The following GRID2 variants were observed in gnomAD, a reference collection of about 807,000 sequenced individuals.
The protein encoded by GRID2 is glutamate receptor ionotropic, delta-2.
GRID2 carries 33 observed loss-of-function variants against 114.8 expected under a neutral mutation model. That is an observed-to-expected ratio of 0.29 (90% CI 0.22 to 0.38). The LOEUF (loss-of-function observed/expected upper bound fraction) is 0.38, where lower values mean the gene tolerates loss of function less well. Among genes scored for constraint, GRID2 ranks in the 10% least tolerant of loss-of-function variants. The pLI is 1.00. For missense variants in GRID2, 1,184 were observed against 1,257.7 expected (o/e 0.94, Z 0.89); for synonymous variants, 505 against 449.9 (o/e 1.12, Z -1.55).
In GRID2 at chr4:93,135,177, A is replaced by C. The variant is rs556342168; in HGVS notation, c.735+24224A>C. 2.7e-4 allele frequency among the ~76,000 whole-genome samples: 41 copies of C among 152,282 alleles called. 1 individual carries two copies. The highest frequency in any genetic ancestry group is 1.2e-3 in the South Asian group (6 of 4,834). On this transcript the variant is annotated intron_variant, in intron 4 of 15. Transcript: ENST00000282020. ...GATTTGATTTAATAACACATTAGTA[A>C]AATGTTCGGTGAAGTCTTAAAACAA...
intron 14 of GRID2, among the ~76,000 whole-genome samples, chr4:93,655,804 A>G (rs1356105787): frequency 1.3e-5 from 2 of 152,060 alleles, no homozygotes; most frequent in Non-Finnish European, 2.9e-5. Flanking sequence ...TTTTTGATGC[A>G]TATTGATTCT....
At chr4:92,847,429 T>C (rs1743409611) in intron 2 of GRID2, among the ~76,000 whole-genome samples, 1 of 152,090 alleles carries the variant, frequency 6.6e-6, no homozygotes. Context: ...ATTTAAGTTA[T>C]ATCTCGCTGG....
rs181905157 is a variant in GRID2, at chr4:93,589,126, G to A, written c.2194-37143G>A. ...GCAGGTTAGTTACATACGTATACGTGTGCCATGCTGGTGTGCTGCACGCAC... is the reference window on the plus strand; with the variant it reads ...GCAGGTTAGTTACATACGTATACGTATGCCATGCTGGTGTGCTGCACGCAC... On this transcript the variant is annotated intron_variant, in intron 13 of 15. Transcript: ENST00000282020. Among the ~76,000 whole-genome samples the A allele has an allele frequency of 3.8e-4, 57 of 151,698 alleles. 2 individuals are homozygous for A. The East Asian group carries it at 0.011, about 29-fold the overall frequency.
chr4:92,536,945 C>T (rs1046338855), intron 1 of GRID2, among the ~76,000 whole-genome samples: 2 of 152,094 alleles, frequency 1.3e-5, no homozygotes, highest in African/African-American at 4.8e-5. Flanking sequence ...TAACATAACA[C>T]GTTCAGGAGA....
intron 2 of GRID2, among the ~76,000 whole-genome samples, chr4:92,614,675 T>C (rs62307892): frequency 0.047 from 7,140 of 151,756 alleles, 207 homozygotes; most frequent in East Asian, 0.095. Context: ...GAATGTGTAT[T>C]TGCTATTATT....
chr4:93,454,128 G>T (rs764476721), intron 10 of GRID2, among the ~76,000 whole-genome samples: 1 of 151,930 alleles, frequency 6.6e-6, no homozygotes, highest in Non-Finnish European at 1.5e-5. Context: ...TTCATATAGC[G>T]TTATTAAGTT....
chr4:92,991,867 AC>A (rs776155731), intron 2 of GRID2, among the ~76,000 whole-genome samples: 28 of 152,338 alleles, frequency 1.8e-4, no homozygotes, highest in Non-Finnish European at 3.1e-4. Flanking sequence ...AAACAAACAA[AC>A]AAAACACATT....
At chr4:93,678,026 T>G (rs950906132) in intron 14 of GRID2, among the ~76,000 whole-genome samples, 1 of 151,892 alleles carries the variant, frequency 6.6e-6, no homozygotes, top group African/African-American at 2.4e-5. Context: ...GTTGAAAACT[T>G]GGAAAAAATT....
At chr4:93,574,311 A>G (rs1321469084) in intron 13 of GRID2, among the ~76,000 whole-genome samples, 1 of 152,132 alleles carries the variant, frequency 6.6e-6, no homozygotes, top group Non-Finnish European at 1.5e-5. Flanking sequence ...CCTTCATTAT[A>G]TGACTTTGGG....
intron 2 of GRID2, among the ~76,000 whole-genome samples, chr4:92,604,924 T>C (rs1273101220): frequency 6.6e-6 from 1 of 152,042 alleles, no homozygotes. Context: ...GTGGAGGTAA[T>C]TGAATCATGC....
chr4:93,790,120 C>T lies in GRID2; in HGVS notation c.222-16595C>T, dbSNP rs1025830603. On this transcript the variant is annotated intron_variant, in intron 1 of 1. Coordinates refer to the GRID2 transcript ENST00000637838. ...CCCATCTGTCACCCCCACCCCACCC[C>T]TACCCCGTGCCCATCCGTGGAGGAA... Among the ~76,000 whole-genome samples the T allele has an allele frequency of 6.0e-5, 9 of 150,810 alleles. No individual in the cohort carries two copies. The East Asian group carries it at 1.8e-3, about 30-fold the overall frequency.
At position 93,115,061 on chromosome 4, in the gene GRID2, G is replaced by C. The variant is rs375514684; in HGVS notation, c.735+4108G>C. Among the ~76,000 whole-genome samples, 7 of 151,264 alleles carry C rather than the reference G, an allele frequency of 4.6e-5. No individual in the cohort carries two copies. In the East Asian group the frequency reaches 1.4e-3, roughly 30 times the overall value. ...AGAATTAATCAGGTAAACAGTGGTG[G>C]GCAAACAATTCAGAATGTGTCTGTG... On this transcript the variant is annotated intron_variant, in intron 4 of 15. Transcript: ENST00000282020.
intron 13 of GRID2, among the ~76,000 whole-genome samples, chr4:93,598,244 A>G (rs1048587763): frequency 6.6e-6 from 1 of 152,194 alleles, no homozygotes; most frequent in African/African-American, 2.4e-5. Flanking sequence ...ACTTATTGTT[A>G]TAGCTTCCAT....
chr4:93,752,996 C>T (rs2110288562), intron 14 of GRID2, among the ~76,000 whole-genome samples: 1 of 152,138 alleles, frequency 6.6e-6, no homozygotes, highest in Non-Finnish European at 1.5e-5. Context: ...ATAAGAATGG[C>T]CTGGGGGTAG....
At chr4:93,456,223 T>G (rs752855317) in intron 11 of GRID2, among the ~76,000 whole-genome samples, 22 of 152,152 alleles carry the variant, frequency 1.4e-4, no homozygotes, top group Non-Finnish European at 2.5e-4. Flanking sequence ...AATGTGAATG[T>G]CAAAGGTAAA....
chr4:93,242,483 T>A (rs1228433188), intron 8 of GRID2, among the ~76,000 whole-genome samples: 1 of 151,988 alleles, frequency 6.6e-6, no homozygotes, highest in African/African-American at 2.4e-5. Context: ...TTGCTTTGTG[T>A]TTGATAGCAG....
intron 2 of GRID2, among the ~76,000 whole-genome samples, chr4:92,727,040 T>A (rs1299151416): frequency 1.3e-5 from 2 of 152,088 alleles, no homozygotes; most frequent in Non-Finnish European, 2.9e-5. Flanking sequence ...AAATCTCAAA[T>A]AACATTCTCA....
Position 92,965,450 on chromosome 4 carries a change from T to TAAAAAAAAAAAAAAAAAAAAA in GRID2, c.245-119526_245-119506dup, listed in dbSNP as rs869285420. Among the ~76,000 whole-genome samples, 11 of 85,752 alleles carry TAAAAAAAAAAAAAAAAAAAAA rather than the reference T, an allele frequency of 1.3e-4. 1 individual carries two copies. The highest frequency in any genetic ancestry group is 3.7e-4 in the East Asian group (1 of 2,684). 56.3% of individuals were successfully genotyped at this position (85,752 alleles called of 152,430 possible). A position where few individuals can be genotyped will look rare whatever the true frequency, so the allele number is the denominator to read the frequency against. On this transcript the variant is annotated intron_variant, in intron 2 of 15. Transcript: ENST00000282020. Reference sequence around the variant, plus strand: ...AGGGTTGCCATAAACATTCAATTTGTAAAAAAAAAAAAAAAAAAAAAAAAA... The same window carrying TAAAAAAAAAAAAAAAAAAAAA: ...AGGGTTGCCATAAACATTCAATTTGTAAAAAAAAAAAAAAAAAAAAAAAAAAAAAAAAAAAAAAAAAAAAAA...
intron 2 of GRID2, among the ~76,000 whole-genome samples, chr4:93,078,714 ATAC>A (rs1266181549): frequency 1.4e-5 from 2 of 146,494 alleles, no homozygotes; most frequent in African/African-American, 2.5e-5. Flanking sequence ...TATACTGTAT[ATAC>A]TAAATATAAT....
Sources: gnomAD v4.1 joint callset for allele counts (sites outside exome capture counted in the v4.1 genomes callset) on GRCh38, gnomAD v4.1.1 for gene constraint, MANE v1.5 for transcripts, NCBI Gene and HGNC (gene_info 2026-07-23, HGNC 2026-07-21) for gene names.